BNC2: variants seen among roughly 807,000 people sequenced by gnomAD.
The protein encoded by BNC2 is basonuclin zinc finger protein 2, also known as zinc finger protein basonuclin-2.
BNC2 carries 20 observed loss-of-function variants against 76.3 expected under a neutral mutation model. The ratio of observed to expected loss-of-function variants is 0.26; its 90% CI spans 0.18 to 0.38. The LOEUF (loss-of-function observed/expected upper bound fraction) is 0.38, where lower values mean the gene tolerates loss of function less well. Ranked by LOEUF, BNC2 falls within the 10% of genes least tolerant of loss-of-function variation. BNC2 has a pLI of 1.00. For synonymous variants in BNC2, 582 were observed against 514.8 expected (o/e 1.13, Z -1.77); for missense variants, 1,382 against 1,399.8 (o/e 0.99, Z 0.20).
At chr9:16,577,445 T>C (rs769394946) in intron 4 of BNC2, among the ~76,000 whole-genome samples, 5 of 152,170 alleles carry the variant, frequency 3.3e-5, no homozygotes, top group Non-Finnish European at 7.3e-5. Context: ...AGCTGGTTGG[T>C]ATATGATACT....
chr9:16,787,228 A>T (rs1344028714), intron 1 of BNC2, among the ~76,000 whole-genome samples: 1 of 152,158 alleles, frequency 6.6e-6, no homozygotes, highest in Non-Finnish European at 1.5e-5. Flanking sequence ...GCAGGGGGAA[A>T]CTAGTTCTCC....
At chr9:16,579,474 G>A (rs1819570730) in intron 4 of BNC2, among the ~76,000 whole-genome samples, 1 of 151,988 alleles carries the variant, frequency 6.6e-6, no homozygotes, top group Non-Finnish European at 1.5e-5. Context: ...GTAGAGACAA[G>A]ATTTTGCCAT....
intron 3 of BNC2, among the ~76,000 whole-genome samples, chr9:16,669,439 T>G (rs117163179): frequency 0.01 from 1,586 of 152,238 alleles, 6 homozygotes; most frequent in Non-Finnish European, 0.014. Context: ...TAAACTAAAT[T>G]TTTCCTTTAT....
intron 1 of BNC2, among the ~76,000 whole-genome samples, chr9:16,870,028 C>A (rs1181463481): frequency 6.6e-6 from 1 of 152,204 alleles, no homozygotes; most frequent in Non-Finnish European, 1.5e-5. Flanking sequence ...GCCCTGCGTT[C>A]TGCACCTTCT....
intron 5 of BNC2, among the ~76,000 whole-genome samples, chr9:16,510,362 C>T (rs1015905832): frequency 1.3e-5 from 2 of 152,174 alleles, no homozygotes; most frequent in East Asian, 1.9e-4. Flanking sequence ...TCTCCTACTT[C>T]GTCATGAAAA....
chr9:16,681,096 T>C (rs2134292431), intron 3 of BNC2, among the ~76,000 whole-genome samples: 1 of 152,318 alleles, frequency 6.6e-6, no homozygotes, highest in South Asian at 2.1e-4. Flanking sequence ...GTCTAGTTTT[T>C]ATCAGAATTG....
chr9:16,624,325 G>A (rs1820936565), intron 3 of BNC2, among the ~76,000 whole-genome samples: 1 of 152,142 alleles, frequency 6.6e-6, no homozygotes, highest in African/African-American at 2.4e-5. Flanking sequence ...ACTTTTCATG[G>A]CTTAAACAAA....
chr9:16,429,920 C>A, intron 6 of BNC2: 1 of 512,574 alleles, frequency 2.0e-6, no homozygotes, highest in Non-Finnish European at 3.9e-6. Context: ...TTAGGAAGAT[C>A]CGAGGCTCAC....
At chr9:16,767,582 G>C (rs937039945) in intron 1 of BNC2, among the ~76,000 whole-genome samples, 1 of 152,040 alleles carries the variant, frequency 6.6e-6, no homozygotes, top group Non-Finnish European at 1.5e-5. Context: ...GCCAAATGAG[G>C]CACTGGGGAA....
intron 3 of BNC2, among the ~76,000 whole-genome samples, chr9:16,648,064 C>T (rs1001325220): frequency 2.0e-5 from 3 of 152,002 alleles, no homozygotes; most frequent in African/African-American, 7.2e-5. Context: ...CACCAATGTA[C>T]GCAATAAAAT....
At chr9:16,626,678 AACACACACAC>A (rs113705597) in intron 3 of BNC2, among the ~76,000 whole-genome samples, 1 of 149,872 alleles carries the variant, frequency 6.7e-6, no homozygotes, top group East Asian at 2.0e-4. Flanking sequence ...GTAAAAGGCA[AACACACACAC>A]ACACACACAC....
At chr9:16,728,709 C>T (rs979224353) in intron 2 of BNC2, among the ~76,000 whole-genome samples, 3 of 151,686 alleles carry the variant, frequency 2.0e-5, no homozygotes, top group Non-Finnish European at 4.4e-5. Context: ...TGACCTTATA[C>T]TCTAAAGAGT....
chr9:16,512,561 G>A (rs1822782582), intron 5 of BNC2, among the ~76,000 whole-genome samples: 1 of 152,212 alleles, frequency 6.6e-6, no homozygotes, highest in Non-Finnish European at 1.5e-5. Context: ...CTAACTTGTT[G>A]CATGATGACA....
intron 6 of BNC2, among the ~76,000 whole-genome samples, chr9:16,432,940 G>A (rs962506024): frequency 6.6e-6 from 1 of 152,188 alleles, no homozygotes; most frequent in African/African-American, 2.4e-5. Flanking sequence ...AGACAGATCA[G>A]AGATGTAATC....
At chr9:16,746,523 C>T (rs1037052860) in intron 1 of BNC2, among the ~76,000 whole-genome samples, 2 of 151,992 alleles carry the variant, frequency 1.3e-5, no homozygotes, top group African/African-American at 4.8e-5. Flanking sequence ...GCCACCACGC[C>T]CGGCTAATTT....
chr9:16,622,984 T>G (rs1304728781), intron 3 of BNC2, among the ~76,000 whole-genome samples: 1 of 152,156 alleles, frequency 6.6e-6, no homozygotes, highest in East Asian at 1.9e-4. Flanking sequence ...ATACTGAAGA[T>G]TTGAATCAGT....
chr9:16,646,947 CT>C (rs1821646078), intron 3 of BNC2, among the ~76,000 whole-genome samples: 1 of 152,090 alleles, frequency 6.6e-6, no homozygotes, highest in Non-Finnish European at 1.5e-5. Context: ...ACAGACAGAT[CT>C]GTTTCATTTG....
chr9:16,779,145 GA>G (rs1554729038), intron 1 of BNC2, among the ~76,000 whole-genome samples: 1 of 131,144 alleles, frequency 7.6e-6, no homozygotes. Context: ...GAAAAGAAAA[GA>G]AAAAAAAACC....
At chr9:16,846,377 TAAG>T (rs1818984165) in intron 1 of BNC2, among the ~76,000 whole-genome samples, 2 of 152,188 alleles carry the variant, frequency 1.3e-5, no homozygotes, top group African/African-American at 2.4e-5. Flanking sequence ...TGCTCATTAA[TAAG>T]AAAAGTCATC....
Sources: allele counts gnomAD v4.1 joint callset (sites outside exome capture counted in the v4.1 genomes callset), GRCh38; gene constraint gnomAD v4.1.1; transcripts MANE v1.5; gene names NCBI Gene and HGNC (gene_info 2026-07-23, HGNC 2026-07-21).